Variants in UBA6 observed in about 807,000 individuals in gnomAD.
UBA6 encodes the protein ubiquitin-like modifier-activating enzyme 6.
In UBA6, 87 loss-of-function variants were observed where a neutral mutation model predicts 148.3. The observed-to-expected ratio is 0.59, with a 90% CI of 0.49 to 0.70. UBA6 has a LOEUF of 0.70. Ranked by LOEUF, UBA6 falls within the 30% of genes least tolerant of loss-of-function variation. The pLI is 0.00. For synonymous variants in UBA6, 376 were observed against 401.0 expected (o/e 0.94, Z 0.75); for missense variants, 1,186 against 1,241.2 (o/e 0.96, Z 0.67).
chr4:67,646,026 AT>A lies in UBA6; in HGVS notation c.1317-11del. 2 of 1,518,038 alleles carry A rather than the reference AT, an allele frequency of 1.3e-6. No individual in the cohort carries two copies. Among genetic ancestry groups the A allele is most frequent in the Non-Finnish European group, 8.9e-7 (1 of 1,118,974 alleles). The allele number at this position is 1,518,038 out of a possible 1,614,324, so 94.0% of individuals were successfully genotyped here. On this transcript the variant is annotated splice_polypyrimidine_tract_variant and intron_variant, in intron 15 of 32. Transcript: ENST00000322244. ...ATCATATCTATCTCCTCTGAAAAAA[AT>A]AACATATACCAAAAAGCAGAAATAA...
At chr4:67,672,539 A>G (rs1362414427) in intron 7 of UBA6, among the ~76,000 whole-genome samples, 2 of 152,190 alleles carry the variant, frequency 1.3e-5, no homozygotes, top group Non-Finnish European at 2.9e-5. Context: ...TTAAAAATAT[A>G]AAACAGATTA....
intron 12 of UBA6, chr4:67,662,874 T>C (rs1226897402): frequency 6.5e-6 from 2 of 306,880 alleles, no homozygotes; most frequent in Admixed American, 9.2e-5. Context: ...TCAGTAATTC[T>C]CAGAATTTTT....
At chr4:67,700,924 A>C (rs1378180908) in intron 1 of UBA6, 125 bp downstream of exon 1, 2 of 1,200,030 alleles carry the variant, frequency 1.7e-6, no homozygotes, top group African/African-American at 1.5e-5. Context: ...CTCGCCTCCC[A>C]GGGCCGGCTC....
intron 4 of UBA6, among the ~76,000 whole-genome samples, chr4:67,679,116 C>T (rs1424143960): frequency 6.6e-6 from 1 of 151,892 alleles, no homozygotes; most frequent in African/African-American, 2.4e-5. Flanking sequence ...ATGGAGTAAT[C>T]TCCAGGATAT....
At chr4:67,682,854 A>G (rs988580397) in intron 2 of UBA6, among the ~76,000 whole-genome samples, 1 of 152,216 alleles carries the variant, frequency 6.6e-6, no homozygotes, top group Non-Finnish European at 1.5e-5. Flanking sequence ...TTCTTATGAG[A>G]AACATTTTAA....
At position 67,670,601 on chromosome 4, in the gene UBA6, T is replaced by C. The variant is rs545403963; in HGVS notation, c.547-9A>G. ...ACATCTGCACTGATAAACTGTAAAA[T>C]GGCAAAAACAAGTTCAATCTTATTT... On this transcript the variant is annotated splice_polypyrimidine_tract_variant and intron_variant, in intron 7 of 32. Coordinates refer to ENST00000322244, the MANE Select transcript of UBA6 (RefSeq NM_018227.6). 1.4e-5 allele frequency: 22 copies of C among 1,598,180 alleles called. No homozygotes were observed. The highest frequency in any genetic ancestry group is 1.3e-4 in the East Asian group (6 of 44,676).
chr4:67,639,265 T>G, intron 18 of UBA6, 141 bp from the exon 19 acceptor site: 1 of 590,518 alleles, frequency 1.7e-6, no homozygotes, highest in African/African-American at 1.8e-5. Context: ...AGACCAGTTT[T>G]CATTTTTGGC....
intron 32 of UBA6, among the ~76,000 whole-genome samples, chr4:67,621,676 G>A (rs1728754900): frequency 6.6e-6 from 1 of 152,040 alleles, no homozygotes; most frequent in Non-Finnish European, 1.5e-5. Flanking sequence ...GGTGTTGGGT[G>A]CCTGTCATCC....
At chr4:67,649,041 AT>A in intron 14 of UBA6, 26 bp downstream of exon 14, 1 of 1,602,310 alleles carries the variant, frequency 6.2e-7, no homozygotes. Context: ...CGAGTAAAGA[AT>A]TCAACTTTAA....
chr4:67,687,578 G>A (rs926411141), intron 2 of UBA6, among the ~76,000 whole-genome samples: 5 of 152,060 alleles, frequency 3.3e-5, no homozygotes, highest in African/African-American at 1.2e-4. Flanking sequence ...AAAAATGAAG[G>A]TCTTGAACTT....
intron 2 of UBA6, 60 bp downstream of exon 2, chr4:67,696,585 C>T: frequency 1.5e-6 from 2 of 1,361,836 alleles, no homozygotes; most frequent in South Asian, 1.3e-5. Context: ...AAAGAGACTA[C>T]TTGATTATTT....
chr4:67,641,009 C>A (rs1053945777), intron 18 of UBA6, 142 bp downstream of exon 18: 4 of 617,646 alleles, frequency 6.5e-6, no homozygotes, highest in Middle Eastern at 4.2e-4. Context: ...TAATATTTTC[C>A]CTTTTGTCAT....
intron 13 of UBA6, among the ~76,000 whole-genome samples, chr4:67,657,371 TA>T (rs1459090070): frequency 2.6e-5 from 4 of 151,988 alleles, no homozygotes; most frequent in African/African-American, 4.8e-5. Context: ...GCCTCAGAAA[TA>T]ACACCACACA....
At chr4:67,644,920 T>C (rs112758274) in intron 16 of UBA6, 142 bp from the exon 17 acceptor site, 1 of 517,076 alleles carries the variant, frequency 1.9e-6, no homozygotes, top group Non-Finnish European at 3.5e-6. Context: ...AGCATAATTG[T>C]ACAATTTCTT....
chr4:67,673,255 A>G (rs1730192656), intron 7 of UBA6, among the ~76,000 whole-genome samples: 1 of 152,032 alleles, frequency 6.6e-6, no homozygotes, highest in African/African-American at 2.4e-5. Context: ...TCTACTAAAA[A>G]TACAAAAAAT....
At chr4:67,638,517 A>G (rs1208169425) in intron 19 of UBA6, among the ~76,000 whole-genome samples, 2 of 152,166 alleles carry the variant, frequency 1.3e-5, no homozygotes, top group East Asian at 3.8e-4. Context: ...CTTCCTTCTC[A>G]GGTAGCCTTT....
At chr4:67,626,991 G>GCCAT (rs1269619575) in intron 27 of UBA6, among the ~76,000 whole-genome samples, 4 of 151,856 alleles carry the variant, frequency 2.6e-5, no homozygotes, top group African/African-American at 9.7e-5. Flanking sequence ...ATATAATATG[G>GCCAT]CCATCCTTTA....
At position 67,649,068 on chromosome 4, in the gene UBA6, C is replaced by T; in HGVS notation, c.1248G>A (p.Trp416Ter). Residue 416 changes from tryptophan (W) to a stop codon, truncating the protein, a stop_gained and splice_region_variant, in exon 14 of 33, where the codon TGG becomes TGA. Transcript: ENST00000322244. LOFTEE classifies it high-confidence loss of function. ...VTGKFSPLCQ[W>*]LYLEAADIVE... is the part of the protein sequence containing the mutation. ...TCAACTTTAAAAACTCAGAACTAAC[C>T]CACTGGCACAAAGGAGAAAATTTTC... The T allele has an allele frequency of 6.2e-7, 1 of 1,612,422 alleles. No homozygotes were observed. Among genetic ancestry groups the T allele is most frequent in the Non-Finnish European group, 8.5e-7 (1 of 1,179,394 alleles).
intron 2 of UBA6, among the ~76,000 whole-genome samples, chr4:67,683,635 G>T (rs1392153050): frequency 1.3e-5 from 2 of 151,284 alleles, no homozygotes; most frequent in African/African-American, 2.4e-5. Flanking sequence ...TGTGGTCCAA[G>T]ACAATTATTC....
Sources: allele counts gnomAD v4.1 joint callset (sites outside exome capture counted in the v4.1 genomes callset), GRCh38; gene constraint gnomAD v4.1.1; transcripts MANE v1.5; gene names NCBI Gene and HGNC (gene_info 2026-07-23, HGNC 2026-07-21).